MLIP: variants seen among roughly 807,000 people sequenced by gnomAD.
MLIP encodes the protein muscular LMNA-interacting protein.
Under a neutral mutation model 84.8 loss-of-function variants are expected in MLIP, and 79 were observed. That is an observed-to-expected ratio of 0.93 (90% confidence interval 0.78 to 1.12). The LOEUF is 1.12. Ranked by LOEUF, MLIP falls within the 50% of genes most tolerant of loss-of-function variation. The probability of loss-of-function intolerance (pLI) is 0.00; values close to 1 mark genes in which losing one functional copy is unlikely to be tolerated. For synonymous variants in MLIP, 504 were observed against 463.0 expected, an observed-to-expected ratio of 1.09 and a Z score of -1.14; for missense variants, 1,257 against 1,160.6, an observed-to-expected ratio of 1.08 and a Z score of -1.21.
At chr6:54,220,604 T>A (rs1780152257) in intron 11 of MLIP, among the ~76,000 whole-genome samples, 2 of 152,134 alleles carry the variant, frequency 1.3e-5, no homozygotes, top group African/African-American at 4.8e-5. Context: ...ACTCCCAATA[T>A]GGGAGTTTTA....
intron 1 of MLIP, among the ~76,000 whole-genome samples, chr6:54,091,159 A>G (rs1202697194): frequency 6.6e-6 from 1 of 152,080 alleles, no homozygotes; most frequent in African/African-American, 2.4e-5. Context: ...GGGGGAAAAA[A>G]TCACCCAGAA....
chr6:54,191,776 ATTATT>A (rs1454021971), intron 10 of MLIP, among the ~76,000 whole-genome samples: 1 of 152,146 alleles, frequency 6.6e-6, no homozygotes, highest in Non-Finnish European at 1.5e-5. Flanking sequence ...TATTACTACA[ATTATT>A]TTAGTATTTA....
chr6:54,210,033 G>C (rs1399638346), intron 11 of MLIP, among the ~76,000 whole-genome samples: 2 of 150,250 alleles, frequency 1.3e-5, no homozygotes, highest in African/African-American at 2.4e-5. Flanking sequence ...TTAGAACTTA[G>C]AACTACTTAG....
intron 1 of MLIP, among the ~76,000 whole-genome samples, chr6:54,102,777 A>G (rs958439216): frequency 2.0e-5 from 3 of 152,158 alleles, no homozygotes; most frequent in Non-Finnish European, 4.4e-5. Context: ...ACAGCAGGAA[A>G]CAAAACAAAT....
chr6:54,049,308 A>G (rs567983433), intron 1 of MLIP, among the ~76,000 whole-genome samples: 2 of 152,322 alleles, frequency 1.3e-5, no homozygotes, highest in Admixed American at 1.3e-4. Flanking sequence ...TATATAAAGA[A>G]CAGAAAAGAA....
At chr6:54,048,511 G>A (rs1397245314) in intron 1 of MLIP, among the ~76,000 whole-genome samples, 1 of 152,164 alleles carries the variant, frequency 6.6e-6, no homozygotes, top group Admixed American at 6.5e-5. Context: ...CAGTGGGCAT[G>A]TGGTCATGAA....
intron 9 of MLIP, among the ~76,000 whole-genome samples, chr6:54,175,177 A>C (rs1776161683): frequency 1.3e-5 from 2 of 151,708 alleles, no homozygotes; most frequent in Admixed American, 6.6e-5. Flanking sequence ...GGAGTCAGAT[A>C]ATGACTCCTC....
chr6:54,253,632 G>A (rs563346961), intron 12 of MLIP, among the ~76,000 whole-genome samples: 242 of 152,072 alleles, frequency 1.6e-3, no homozygotes, highest in African/African-American at 5.4e-3. Flanking sequence ...CATTTCTTCA[G>A]TTGGTGTGAG....
At chr6:54,256,315 T>G (rs959876048) in intron 12 of MLIP, among the ~76,000 whole-genome samples, 2 of 152,154 alleles carry the variant, frequency 1.3e-5, no homozygotes, top group African/African-American at 2.4e-5. Flanking sequence ...AGTCTTCCCC[T>G]GGGTAGGCTA....
chr6:54,240,967 T>C (rs779812931), intron 12 of MLIP, among the ~76,000 whole-genome samples: 1 of 151,782 alleles, frequency 6.6e-6, no homozygotes, highest in Non-Finnish European at 1.5e-5. Flanking sequence ...AGAGTGAGAC[T>C]CCGTCTCAAA....
intron 11 of MLIP, chr6:54,216,197 T>C: frequency 1.0e-6 from 1 of 985,306 alleles, no homozygotes; most frequent in Non-Finnish European, 1.2e-6. Flanking sequence ...TTAGAATCAC[T>C]TCAATTTTGG....
chr6:54,156,430 T>C (rs1774036332), intron 5 of MLIP, among the ~76,000 whole-genome samples: 1 of 152,096 alleles, frequency 6.6e-6, no homozygotes, highest in Non-Finnish European at 1.5e-5. Context: ...ATATCACAAG[T>C]AACCTAATAA....
intron 1 of MLIP, among the ~76,000 whole-genome samples, chr6:54,031,173 G>C (rs1205718288): frequency 6.6e-6 from 1 of 151,834 alleles, no homozygotes; most frequent in Non-Finnish European, 1.5e-5. Context: ...GGGTTAAACT[G>C]TATTTTTCAG....
At chr6:54,244,092 A>T (rs1781917717) in intron 12 of MLIP, among the ~76,000 whole-genome samples, 1 of 152,038 alleles carries the variant, frequency 6.6e-6, no homozygotes, top group Admixed American at 6.5e-5. Context: ...GAAAAAAGTC[A>T]TCTTGAATTT....
chr6:54,202,297 T>C (rs972597852), intron 11 of MLIP, 64 bp downstream of exon 11: 5 of 749,852 alleles, frequency 6.7e-6, no homozygotes, highest in Non-Finnish European at 8.9e-6. Context: ...AAAATATATA[T>C]AAATATATAA....
chr6:54,154,644 A>G (rs981022620), intron 5 of MLIP, among the ~76,000 whole-genome samples: 4 of 152,204 alleles, frequency 2.6e-5, no homozygotes, highest in Non-Finnish European at 5.9e-5. Flanking sequence ...TCAGCTAGCT[A>G]CAGTGAATTA....
At chr6:54,149,994 T>C (rs971115153) in intron 5 of MLIP, among the ~76,000 whole-genome samples, 3 of 151,326 alleles carry the variant, frequency 2.0e-5, no homozygotes, top group East Asian at 1.9e-4. Flanking sequence ...ACTAAGTCCA[T>C]TTTTTTCTGT....
chr6:54,204,559 A>G (rs2150722344), intron 11 of MLIP, among the ~76,000 whole-genome samples: 1 of 152,316 alleles, frequency 6.6e-6, no homozygotes, highest in Non-Finnish European at 1.5e-5. Context: ...CTTCTGTGTG[A>G]GTATAATTTT....
chr6:54,145,259 TA>T (rs1772681207), intron 4 of MLIP, among the ~76,000 whole-genome samples: 1 of 152,188 alleles, frequency 6.6e-6, no homozygotes. Flanking sequence ...GAATTTGGTT[TA>T]GCACCTGGAA....
Sources: allele counts gnomAD v4.1 joint callset (sites outside exome capture counted in the v4.1 genomes callset), GRCh38; gene constraint gnomAD v4.1.1; transcripts MANE v1.5; gene names NCBI Gene and HGNC (gene_info 2026-07-23, HGNC 2026-07-21).